RAMP3: variants seen among roughly 807,000 people sequenced by gnomAD.
RAMP3 encodes receptor activity-modifying protein 3.
A neutral mutation model predicts 13.5 loss-of-function variants in RAMP3; 14 were observed. The ratio of observed to expected loss-of-function variants is 1.04; its 90% confidence interval spans 0.69 to 1.63. RAMP3 has a LOEUF of 1.63. Among genes scored for constraint, RAMP3 ranks in the 40% most tolerant of loss-of-function variants. The pLI is 0.00. For missense variants in RAMP3, 200 were observed against 204.8 expected, an observed-to-expected ratio of 0.98 and a Z score of 0.14; for synonymous variants, 106 against 88.3, an observed-to-expected ratio of 1.20 and a Z score of -1.12.
At position 45,168,880 on chromosome 7, in the gene RAMP3, A is replaced by G. The variant is rs139268705; in HGVS notation, c.59-8429A>G. 3.0e-4 allele frequency among the ~76,000 whole-genome samples: 46 copies of G among 152,286 alleles called. 1 individual carries two copies. In the East Asian group the frequency reaches 8.9e-3, roughly 29 times the overall value. On this transcript the variant is annotated intron_variant, in intron 1 of 2. Transcript: ENST00000242249. The stretch of plus-strand genomic sequence containing the variant: ...ATCTTAAAGGATAGCTTTGTCTTTC[A>G]TCATTGGTTATGTTAACTCTGGGCA...
chr7:45,168,006 T>C lies in RAMP3; in HGVS notation c.59-9303T>C, dbSNP rs112183254. Among the ~76,000 whole-genome samples, 969 of 152,356 alleles carry C rather than the reference T, an allele frequency of 6.4e-3. 8 individuals are homozygous for C. Among genetic ancestry groups the C allele is most frequent in the African/African-American group, 0.022 (913 of 41,574 alleles). On this transcript the variant is annotated intron_variant, in intron 1 of 2. Coordinates refer to ENST00000242249, the MANE Select transcript of RAMP3 (RefSeq NM_005856.3). Reference sequence around the variant, plus strand: ...AGCTGCGATTTTGATAGGGATTGCATTGAGTTTGTATATCACTTTAGGTAG... The same window carrying C: ...AGCTGCGATTTTGATAGGGATTGCACTGAGTTTGTATATCACTTTAGGTAG...
intron 1 of RAMP3, among the ~76,000 whole-genome samples, chr7:45,173,622 C>T (rs563806830): frequency 6.6e-6 from 1 of 152,298 alleles, no homozygotes; most frequent in South Asian, 2.1e-4. Flanking sequence ...TTCCCAGTGC[C>T]CAGTGAGCCC....
chr7:45,179,147 G>C (rs1268960822), intron 2 of RAMP3, among the ~76,000 whole-genome samples: 1 of 152,202 alleles, frequency 6.6e-6, no homozygotes. Flanking sequence ...CCCAGAGAGG[G>C]AGGCTGGAGA....
intron 1 of RAMP3, among the ~76,000 whole-genome samples, chr7:45,176,443 G>GCGCACA (rs1233560902): frequency 7.5e-6 from 1 of 133,428 alleles, no homozygotes; most frequent in African/African-American, 2.6e-5. Flanking sequence ...GGCTGTGCGT[G>GCGCACA]CACACACACA....
rs1256054798 is a variant in RAMP3, at chr7:45,171,284, T to C, written c.59-6025T>C. On this transcript the variant is annotated intron_variant, in intron 1 of 2. Coordinates refer to ENST00000242249, the MANE Select transcript of RAMP3 (RefSeq NM_005856.3). ...GATTCTCCTGCCTCAGCCTCCTGAG[T>C]AGCTGGGTCTACAGGTGTGCACCAC... Among the ~76,000 whole-genome samples, 3 of 151,978 alleles carry C rather than the reference T, an allele frequency of 2.0e-5. No homozygotes were observed. In the East Asian group the frequency reaches 5.8e-4, roughly 29 times the overall value.
chr7:45,176,387 TAC>T (rs57539624), intron 1 of RAMP3, among the ~76,000 whole-genome samples: 19,597 of 147,082 alleles, frequency 0.13, 1,808 homozygotes, highest in East Asian at 0.46. Context: ...GCTGTGTACC[TAC>T]ACACACACAC....
chr7:45,178,823 C>T (rs934167209), intron 2 of RAMP3, among the ~76,000 whole-genome samples: 1 of 152,166 alleles, frequency 6.6e-6, no homozygotes, highest in Non-Finnish European at 1.5e-5. Flanking sequence ...ATTGGGAGGA[C>T]AGGAGTGGAG....
At chr7:45,178,639 T>A (rs1391110577) in intron 2 of RAMP3, among the ~76,000 whole-genome samples, 1 of 152,016 alleles carries the variant, frequency 6.6e-6, no homozygotes, top group Non-Finnish European at 1.5e-5. Flanking sequence ...CAGGAAGGGG[T>A]TTTGCAGGCT....
At chr7:45,167,254 G>C (rs920170447) in intron 1 of RAMP3, among the ~76,000 whole-genome samples, 1 of 152,174 alleles carries the variant, frequency 6.6e-6, no homozygotes, top group Admixed American at 6.5e-5. Context: ...ACGGCGCCCG[G>C]CCTGTGATCC....
Position 45,183,154 on chromosome 7 carries a change from C to T in RAMP3, c.192-3C>T. Reference sequence around the variant, plus strand: ...CTGGCTTTCACCCCCTCTGCTTTTGCAGGTACTATGAGAGTTTCACCAACT... The same window carrying T: ...CTGGCTTTCACCCCCTCTGCTTTTGTAGGTACTATGAGAGTTTCACCAACT... On this transcript the variant is annotated splice_region_variant and splice_polypyrimidine_tract_variant and intron_variant, in intron 2 of 2. Coordinates refer to ENST00000242249, the MANE Select transcript of RAMP3 (RefSeq NM_005856.3). 1 of 1,609,558 alleles carries T rather than the reference C, an allele frequency of 6.2e-7. No homozygotes were observed. Among genetic ancestry groups the T allele is most frequent in the Non-Finnish European group, 8.5e-7 (1 of 1,179,652 alleles).
intron 1 of RAMP3, among the ~76,000 whole-genome samples, chr7:45,160,429 C>T (rs1030354644): frequency 1.1e-4 from 16 of 139,712 alleles, no homozygotes; most frequent in Non-Finnish European, 2.0e-4. Context: ...ACTGGAGGTT[C>T]CTTGGAGGTT....
chr7:45,172,477 G>A (rs537388685), intron 1 of RAMP3, among the ~76,000 whole-genome samples: 1 of 152,206 alleles, frequency 6.6e-6, no homozygotes, highest in Non-Finnish European at 1.5e-5. Context: ...CCCTTGTTGA[G>A]TTTCTTTTCT....
Position 45,157,821 on chromosome 7 carries a change from G to C in RAMP3, c.-8G>C, listed in dbSNP as rs745399092. The C allele has an allele frequency of 9.4e-5, 126 of 1,342,372 alleles. No homozygotes were observed. Among genetic ancestry groups the C allele is most frequent in the Non-Finnish European group, 1.2e-4 (122 of 1,043,574 alleles). The allele number at this position is 1,342,372 out of a possible 1,614,324, so 83.2% of individuals were successfully genotyped here. ...GACCGAGCGTGACCCAGCTGCGGCC[G>C]GCCAGCCATGGAGACTGGAGCGCTG... On this transcript the variant is annotated 5_prime_UTR_variant, in exon 1 of 3. Transcript: ENST00000242249.
intron 1 of RAMP3, chr7:45,163,535 C>T (rs1304704145): frequency 7.6e-5 from 75 of 985,106 alleles, no homozygotes; most frequent in Non-Finnish European, 8.7e-5. Flanking sequence ...GCCAGAGGGT[C>T]GTGGAGCAGC....
chr7:45,183,273 A>G lies in RAMP3; in HGVS notation c.308A>G (p.Asn103Ser). The change falls in exon 3 of 3, where the codon AAC becomes AGC. Residue 103 changes from asparagine to serine, a missense_variant. Transcript: ENST00000242249. ...GGCATCCACAGGCAGTTCTTCTCCA[A>G]CTGCACCGTGGACAGGGTCCACTTG... ...ITGIHRQFFS[N>S]CTVDRVHLED... 6.2e-7 allele frequency: 1 copy of G among 1,614,002 alleles called. No homozygotes were observed. Among genetic ancestry groups the G allele is most frequent in the Non-Finnish European group, 8.5e-7 (1 of 1,180,032 alleles).
chr7:45,159,301 G>T (rs2095734704), intron 1 of RAMP3, among the ~76,000 whole-genome samples: 2 of 152,178 alleles, frequency 1.3e-5, no homozygotes, highest in African/African-American at 4.8e-5. Context: ...TCAGGGAGAG[G>T]TAAAACTTGC....
chr7:45,158,692 C>A (rs1158547630), intron 1 of RAMP3, among the ~76,000 whole-genome samples: 1 of 152,098 alleles, frequency 6.6e-6, no homozygotes, highest in Non-Finnish European at 1.5e-5. Flanking sequence ...TGATGGAGGG[C>A]CCTGGCCTGG....
intron 1 of RAMP3, among the ~76,000 whole-genome samples, chr7:45,159,738 C>A (rs1273640248): frequency 6.6e-6 from 1 of 152,184 alleles, no homozygotes; most frequent in Non-Finnish European, 1.5e-5. Flanking sequence ...TCAGTTTAGT[C>A]CCTATCACCT....
chr7:45,165,181 T>C (rs6957463), intron 1 of RAMP3, among the ~76,000 whole-genome samples: 46,534 of 151,884 alleles, frequency 0.31, 9,770 homozygotes, highest in African/African-American at 0.6. Flanking sequence ...ACATCTTTAA[T>C]TCATCAATCT....
Sources: gnomAD v4.1 joint callset for allele counts (sites outside exome capture counted in the v4.1 genomes callset) on GRCh38, gnomAD v4.1.1 for gene constraint, MANE v1.5 for transcripts, NCBI Gene and HGNC (gene_info 2026-07-23, HGNC 2026-07-21) for gene names.